EPM2A: variants seen among roughly 807,000 people sequenced by gnomAD.
EPM2A encodes EPM2A glucan phosphatase, laforin, also known as laforin.
In EPM2A, 21 loss-of-function variants were observed where a neutral mutation model predicts 26.5. The ratio of observed to expected loss-of-function variants is 0.79; its 90% confidence interval spans 0.56 to 1.14. The LOEUF (loss-of-function observed/expected upper bound fraction) is 1.14, where lower values mean the gene tolerates loss of function less well. EPM2A is among the 50% of genes most tolerant of loss of function. The probability of loss-of-function intolerance (pLI) is 0.00; values close to 1 mark genes in which losing one functional copy is unlikely to be tolerated. For missense variants in EPM2A, 458 were observed against 440.8 expected (o/e 1.04, Z -0.35); for synonymous variants, 217 against 177.6 (o/e 1.22, Z -1.76).
intron 1 of EPM2A, among the ~76,000 whole-genome samples, chr6:145,732,016 C>A (rs978185590): frequency 6.6e-6 from 1 of 152,068 alleles, no homozygotes; most frequent in African/African-American, 2.4e-5. Flanking sequence ...AGTGGGAAAG[C>A]CAAATAAAGA....
chr6:145,477,765 T>C (rs1779560682), intron 4 of EPM2A, among the ~76,000 whole-genome samples: 1 of 151,882 alleles, frequency 6.6e-6, no homozygotes, highest in South Asian at 2.1e-4. Context: ...AAACTGGGTA[T>C]AGAAGGAACA....
At chr6:145,474,103 A>G (rs893643721) in intron 4 of EPM2A, among the ~76,000 whole-genome samples, 1 of 152,158 alleles carries the variant, frequency 6.6e-6, no homozygotes, top group Non-Finnish European at 1.5e-5. Context: ...AATCATAAGT[A>G]CAACAATTTT....
At chr6:145,576,865 C>A (rs1582868927) in intron 2 of EPM2A, among the ~76,000 whole-genome samples, 1 of 151,032 alleles carries the variant, frequency 6.6e-6, no homozygotes, top group Admixed American at 6.6e-5. Context: ...CAAAAAAAGT[C>A]AAAAAATGTA....
intron 2 of EPM2A, among the ~76,000 whole-genome samples, chr6:145,599,237 T>C (rs1781386145): frequency 6.6e-6 from 1 of 152,218 alleles, no homozygotes; most frequent in African/African-American, 2.4e-5. Context: ...AGTGGGCTTT[T>C]ATAATCTGAA....
intron 3 of EPM2A, chr6:145,633,753 T>A (rs1379982838): frequency 2.6e-5 from 4 of 152,226 alleles, no homozygotes; most frequent in Non-Finnish European, 5.9e-5. Flanking sequence ...TAACTCCAGA[T>A]GATCATGAAC....
intron 4 of EPM2A, among the ~76,000 whole-genome samples, chr6:145,389,840 G>T (rs1358474241): frequency 6.6e-6 from 1 of 152,178 alleles, no homozygotes; most frequent in Non-Finnish European, 1.5e-5. Flanking sequence ...AATGATGACG[G>T]CCAATTTACA....
At chr6:145,457,126 TTATAGA>T (rs1779271552) in intron 4 of EPM2A, among the ~76,000 whole-genome samples, 1 of 152,166 alleles carries the variant, frequency 6.6e-6, no homozygotes. Context: ...TTTTCTTACT[TTATAGA>T]TAAGAGAAGC....
chr6:145,503,966 C>A (rs2114754520), intron 2 of EPM2A, among the ~76,000 whole-genome samples: 1 of 82,816 alleles, frequency 1.2e-5, no homozygotes, highest in East Asian at 3.9e-4. Context: ...TGATCTTTGA[C>A]AAACCTGAGA....
chr6:145,456,365 C>T (rs1412377624), intron 4 of EPM2A, among the ~76,000 whole-genome samples: 2 of 152,242 alleles, frequency 1.3e-5, no homozygotes, highest in East Asian at 1.9e-4. Context: ...AAGACGTTTG[C>T]ATGCTTGCAA....
chr6:145,671,234 C>T (rs1026468485), intron 2 of EPM2A: 6 of 1,046,302 alleles, frequency 5.7e-6, no homozygotes, highest in Admixed American at 1.0e-4. Context: ...GAAGTGTATA[C>T]ATACTTATTA....
intron 4 of EPM2A, among the ~76,000 whole-genome samples, chr6:145,408,455 A>G (rs181444730): frequency 6.6e-5 from 10 of 152,236 alleles, no homozygotes; most frequent in Middle Eastern, 3.4e-3. Flanking sequence ...TTCCACCAAA[A>G]ACCACATTGT....
chr6:145,567,253 C>T (rs895023935), intron 2 of EPM2A, among the ~76,000 whole-genome samples: 2 of 152,142 alleles, frequency 1.3e-5, no homozygotes, highest in Non-Finnish European at 2.9e-5. Flanking sequence ...TTGGAAAGTT[C>T]TTCCTTAAGA....
Position 145,667,100 on chromosome 6 carries a change from AT to A in EPM2A, c.476+19021del, listed in dbSNP as rs1478814211. 1.7e-4 allele frequency among the ~76,000 whole-genome samples: 20 copies of A among 119,994 alleles called. No individual in the cohort carries two copies. The East Asian group carries it at 4.5e-3, about 27-fold the overall frequency. The allele number at this position is 119,994 out of a possible 152,430, so 78.7% of individuals were successfully genotyped here. A position where few individuals can be genotyped will look rare whatever the true frequency, so the allele number is the denominator to read the frequency against. On this transcript the variant is annotated intron_variant, in intron 2 of 3. Transcript: ENST00000367519. ...AGGCATTACCATTCAGGACATAGGC[AT>A]GGGCAAGGACTTCATGTCCAAAACA... is the stretch of plus-strand genomic sequence containing the variant.
intron 1 of EPM2A, among the ~76,000 whole-genome samples, chr6:145,728,422 T>G (rs528861597): frequency 2.8e-3 from 419 of 152,324 alleles, no homozygotes; most frequent in Non-Finnish European, 4.9e-3. Flanking sequence ...AAGTCCAGGC[T>G]GAGGTGGTCT....
chr6:145,481,796 A>T (rs1313774990), intron 4 of EPM2A, among the ~76,000 whole-genome samples: 1 of 152,178 alleles, frequency 6.6e-6, no homozygotes, highest in Non-Finnish European at 1.5e-5. Context: ...TAAAATATTA[A>T]GATCCATTAT....
rs534913405 is a variant in EPM2A, at chr6:145,521,586, A to C, written c.341-19011T>G. 2.0e-5 allele frequency among the ~76,000 whole-genome samples: 3 copies of C among 152,342 alleles called. No individual in the cohort carries two copies. The South Asian group carries it at 6.2e-4, about 32-fold the overall frequency. Reference sequence around the variant, plus strand: ...ATGAAGCAAGAGGCAACAAATGATTAGATTATTTGACCATGGATTTAAGGT... The same window carrying C: ...ATGAAGCAAGAGGCAACAAATGATTCGATTATTTGACCATGGATTTAAGGT... On this transcript the variant is annotated intron_variant, in intron 2 of 3. Coordinates refer to the EPM2A transcript ENST00000450221.
chr6:145,474,513 A>C (rs993398043), intron 4 of EPM2A, among the ~76,000 whole-genome samples: 4 of 152,152 alleles, frequency 2.6e-5, no homozygotes, highest in Non-Finnish European at 5.9e-5. Flanking sequence ...TAAAACCATA[A>C]AAACCCTAGA....
intron 4 of EPM2A, among the ~76,000 whole-genome samples, chr6:145,415,722 T>C (rs1204647451): frequency 6.6e-6 from 1 of 152,208 alleles, no homozygotes; most frequent in Non-Finnish European, 1.5e-5. Context: ...ATTCTAAAAA[T>C]GTGCCTGTGA....
rs542654431 is a variant in EPM2A, at chr6:145,635,501, T to C, written c.477-15A>G. 6.8e-6 allele frequency: 11 copies of C among 1,613,572 alleles called. No homozygotes were observed. The highest frequency in any genetic ancestry group is 2.2e-5 in the East Asian group (1 of 44,902). On this transcript the variant is annotated splice_polypyrimidine_tract_variant and intron_variant, in intron 2 of 3. Coordinates refer to ENST00000367519, the MANE Select transcript of EPM2A (RefSeq NM_005670.4). The stretch of plus-strand genomic sequence containing the variant: ...TTGGTAGAATTCTAATGAGAACATA[T>C]GGAGACAACTATCACTAGTGTTGTT...
Sources: gnomAD v4.1 joint callset for allele counts (sites outside exome capture counted in the v4.1 genomes callset) on GRCh38, gnomAD v4.1.1 for gene constraint, MANE v1.5 for transcripts, NCBI Gene and HGNC (gene_info 2026-07-23, HGNC 2026-07-21) for gene names.